Variants in KCNIP4 observed in about 807,000 individuals in gnomAD.
The protein encoded by KCNIP4 is Kv channel-interacting protein 4.
Under a neutral mutation model 34.0 loss-of-function variants are expected in KCNIP4, and 12 were observed. That is an observed-to-expected ratio of 0.35 (90% CI 0.23 to 0.57). KCNIP4 has a LOEUF of 0.57. KCNIP4 is among the 20% of genes least tolerant of loss of function. KCNIP4 has a pLI of 0.83. For missense variants in KCNIP4, 238 were observed against 311.7 expected, an observed-to-expected ratio of 0.76 and a Z score of 1.78; for synonymous variants, 124 against 102.2, an observed-to-expected ratio of 1.21 and a Z score of -1.29.
At chr4:21,541,780 C>G (rs1174708427) in intron 1 of KCNIP4, among the ~76,000 whole-genome samples, 1 of 151,700 alleles carries the variant, frequency 6.6e-6, no homozygotes, top group African/African-American at 2.4e-5. Flanking sequence ...TAGCTAGGAA[C>G]ACAGGCACCT....
intron 5 of KCNIP4, among the ~76,000 whole-genome samples, chr4:20,743,016 AG>A (rs1314820060): frequency 2.0e-5 from 2 of 99,254 alleles, no homozygotes; most frequent in Non-Finnish European, 4.0e-5. Flanking sequence ...TGGGATGTGA[AG>A]GACCCTTATA....
intron 1 of KCNIP4, among the ~76,000 whole-genome samples, chr4:21,541,196 A>AAAAAG (rs1491503333): frequency 1.5e-3 from 214 of 146,784 alleles, no homozygotes; most frequent in African/African-American, 5.2e-3. Context: ...AAAAAAAAAA[A>AAAAAG]AGAGAGAGAG....
Position 21,113,873 on chromosome 4 carries a change from G to C in KCNIP4, c.62-231164C>G, listed in dbSNP as rs115936636. Among the ~76,000 whole-genome samples, 866 of 152,294 alleles carry C rather than the reference G, an allele frequency of 5.7e-3. 13 individuals are homozygous for C. Among genetic ancestry groups the C allele is most frequent in the African/African-American group, 0.02 (831 of 41,572 alleles). ...GCAAATACCTTAACAAGAAATAGGTGACATTTGACTTAACTCTAATACACC... is the reference window on the plus strand; with the variant it reads ...GCAAATACCTTAACAAGAAATAGGTCACATTTGACTTAACTCTAATACACC... On this transcript the variant is annotated intron_variant, in intron 1 of 8. Transcript: ENST00000382152.
chr4:20,912,215 G>C (rs987400439), intron 1 of KCNIP4, among the ~76,000 whole-genome samples: 1 of 151,966 alleles, frequency 6.6e-6, no homozygotes, highest in Non-Finnish European at 1.5e-5. Flanking sequence ...TTAAAACTCA[G>C]ATTTATCCAG....
In KCNIP4 at chr4:21,189,687, T is replaced by C. The variant is rs1387617757; in HGVS notation, c.62-306978A>G. On this transcript the variant is annotated intron_variant, in intron 1 of 8. Transcript: ENST00000382152. Reference sequence around the variant, plus strand: ...TGAAGTTCATTTAACTCAACTTTTCTATTCTCCTCAGTTAAAAGGTTTTGC... The same window carrying C: ...TGAAGTTCATTTAACTCAACTTTTCCATTCTCCTCAGTTAAAAGGTTTTGC... Among the ~76,000 whole-genome samples the C allele has an allele frequency of 3.3e-5, 5 of 152,230 alleles. No individual in the cohort carries two copies. The East Asian group carries it at 9.6e-4, about 29-fold the overall frequency.
intron 1 of KCNIP4, among the ~76,000 whole-genome samples, chr4:21,049,346 C>T (rs1046582544): frequency 2.0e-5 from 3 of 152,134 alleles, no homozygotes; most frequent in African/African-American, 7.2e-5. Context: ...TAATATATAA[C>T]AATAAATAAA....
intron 1 of KCNIP4, among the ~76,000 whole-genome samples, chr4:21,878,330 C>T (rs1411516865): frequency 1.3e-5 from 2 of 152,200 alleles, no homozygotes; most frequent in African/African-American, 2.4e-5. Context: ...CCTGCCTCGA[C>T]CTCCCAAAGT....
At chr4:21,654,764 A>G (rs1332716384) in intron 1 of KCNIP4, among the ~76,000 whole-genome samples, 1 of 152,088 alleles carries the variant, frequency 6.6e-6, no homozygotes, top group Non-Finnish European at 1.5e-5. Context: ...TCTACTAAAA[A>G]ATACAAAAAA....
chr4:21,641,235 A>G (rs1186028981), intron 1 of KCNIP4, among the ~76,000 whole-genome samples: 4 of 152,194 alleles, frequency 2.6e-5, no homozygotes, highest in Admixed American at 6.6e-5. Flanking sequence ...CTATATTACT[A>G]CATCTCTTAC....
chr4:21,876,225 T>C (rs569341907), intron 1 of KCNIP4, among the ~76,000 whole-genome samples: 1 of 152,320 alleles, frequency 6.6e-6, no homozygotes, highest in East Asian at 1.9e-4. Context: ...ACTGTAATTT[T>C]TAACTATATC....
At chr4:20,802,259 A>T (rs1157681698) in intron 3 of KCNIP4, among the ~76,000 whole-genome samples, 1 of 106,182 alleles carries the variant, frequency 9.4e-6, no homozygotes, top group Non-Finnish European at 2.1e-5. Flanking sequence ...TATGCTACAT[A>T]TATGCTATAT....
chr4:21,715,285 T>C (rs1446168490), intron 1 of KCNIP4, among the ~76,000 whole-genome samples: 3 of 151,558 alleles, frequency 2.0e-5, no homozygotes, highest in Admixed American at 6.6e-5. Flanking sequence ...GCGCCCGCCA[T>C]CATGCCCGGC....
intron 1 of KCNIP4, among the ~76,000 whole-genome samples, chr4:21,444,975 C>T (rs1386936843): frequency 6.6e-6 from 1 of 152,086 alleles, no homozygotes; most frequent in Non-Finnish European, 1.5e-5. Context: ...TCTTATACAC[C>T]AATAACAGAC....
intron 1 of KCNIP4, among the ~76,000 whole-genome samples, chr4:21,934,479 T>TA (rs1464904243): frequency 6.6e-6 from 1 of 152,080 alleles, no homozygotes; most frequent in African/African-American, 2.4e-5. Flanking sequence ...AAGTCACAAT[T>TA]AAAAATAAGA....
At chr4:21,704,107 G>C (rs1713078339) in intron 1 of KCNIP4, among the ~76,000 whole-genome samples, 1 of 152,182 alleles carries the variant, frequency 6.6e-6, no homozygotes, top group East Asian at 1.9e-4. Context: ...AGTGACGCTG[G>C]AGCAAATGGA....
intron 1 of KCNIP4, among the ~76,000 whole-genome samples, chr4:21,459,255 A>C (rs1253923018): frequency 6.6e-6 from 1 of 152,044 alleles, no homozygotes; most frequent in Non-Finnish European, 1.5e-5. Context: ...ACAACTTCTC[A>C]GTCCAGATCT....
intron 1 of KCNIP4, among the ~76,000 whole-genome samples, chr4:21,000,397 G>GA (rs371047598): frequency 0.041 from 6,016 of 147,182 alleles, 392 homozygotes; most frequent in African/African-American, 0.14. Context: ...ACTAAAAAAA[G>GA]AAAAAAAAAA....
intron 1 of KCNIP4, among the ~76,000 whole-genome samples, chr4:21,885,810 T>A (rs1726730913): frequency 6.6e-6 from 1 of 152,166 alleles, no homozygotes; most frequent in South Asian, 2.1e-4. Flanking sequence ...TTTTTCCATA[T>A]GCTACTAATG....
intron 1 of KCNIP4, among the ~76,000 whole-genome samples, chr4:21,536,497 G>A (rs1015896108): frequency 6.6e-6 from 1 of 152,024 alleles, no homozygotes; most frequent in Non-Finnish European, 1.5e-5. Context: ...TGGTTAACAC[G>A]TCAGGGCACG....
Sources: gnomAD v4.1 joint callset for allele counts (sites outside exome capture counted in the v4.1 genomes callset) on GRCh38, gnomAD v4.1.1 for gene constraint, MANE v1.5 for transcripts, NCBI Gene and HGNC (gene_info 2026-07-23, HGNC 2026-07-21) for gene names.